The following C2orf92 variants were observed in gnomAD, a reference collection of about 807,000 sequenced individuals.
C2orf92 encodes uncharacterized protein C2orf92.
At chr2:97,687,306 G>T (rs1275050968) in intron 3 of C2orf92, among the ~76,000 whole-genome samples, 1 of 152,178 alleles carries the variant, frequency 6.6e-6, no homozygotes, top group Non-Finnish European at 1.5e-5. Flanking sequence ...GTTTAAGGCT[G>T]CAGTGAGCTA....
intron 5 of C2orf92, among the ~76,000 whole-genome samples, chr2:97,692,892 A>G (rs1037073566): frequency 6.6e-6 from 1 of 152,246 alleles, no homozygotes; most frequent in Admixed American, 6.5e-5. Context: ...TTATAGGACT[A>G]ATATGAATGA....
At chr2:97,683,654 C>T (rs568563409) in intron 3 of C2orf92, among the ~76,000 whole-genome samples, 3 of 151,670 alleles carry the variant, frequency 2.0e-5, no homozygotes, top group Non-Finnish European at 2.9e-5. Flanking sequence ...CCGTAAGATT[C>T]GTATGGAATT....
chr2:97,697,623 C>A (rs1030991491), intron 5 of C2orf92, among the ~76,000 whole-genome samples: 1 of 152,244 alleles, frequency 6.6e-6, no homozygotes, highest in African/African-American at 2.4e-5. Context: ...ACAAATTTCT[C>A]TCTTTTTTCC....
chr2:97,695,231 C>T (rs1420479838), intron 5 of C2orf92, among the ~76,000 whole-genome samples: 1 of 152,180 alleles, frequency 6.6e-6, no homozygotes, highest in African/African-American at 2.4e-5. Context: ...AAATAATTTC[C>T]AAATCCAATG....
At chr2:97,685,783 G>A (rs952653806) in intron 3 of C2orf92, among the ~76,000 whole-genome samples, 3 of 151,728 alleles carry the variant, frequency 2.0e-5, no homozygotes, top group East Asian at 2.0e-4. Flanking sequence ...GGCTGGTCAC[G>A]AACTCCTGAC....
In C2orf92 at chr2:97,674,560, A is replaced by G. The variant is rs1437249858; in HGVS notation, c.148+3A>G. On this transcript the variant is annotated splice_donor_region_variant and intron_variant, in intron 2 of 7. Coordinates refer to ENST00000627399, the MANE Select transcript of C2orf92 (RefSeq NM_001351368.2). ...TACAAAGAGAGACACACAAAAAAGC[A>G]AGTATATGTCGTTAACCTGACATGT... 2.5e-6 allele frequency: 1 copy of G among 398,534 alleles called. No homozygotes were observed. The highest frequency in any genetic ancestry group is 4.4e-6 in the Non-Finnish European group (1 of 226,068). The allele number at this position is 398,534 out of a possible 1,614,324, so 24.7% of individuals were successfully genotyped here. A position where few individuals can be genotyped will look rare whatever the true frequency, so the allele number is the denominator to read the frequency against.
chr2:97,688,681 C>T (rs1221019647), intron 3 of C2orf92, among the ~76,000 whole-genome samples: 1 of 152,038 alleles, frequency 6.6e-6, no homozygotes, highest in Non-Finnish European at 1.5e-5. Context: ...GTGTTTACTG[C>T]CCAGGATGTC....
At chr2:97,678,744 C>T (rs1573207612) in intron 3 of C2orf92, among the ~76,000 whole-genome samples, 1 of 149,040 alleles carries the variant, frequency 6.7e-6, no homozygotes, top group Non-Finnish European at 1.5e-5. Context: ...CTGACGTGGG[C>T]AGATCACTTG....
At chr2:97,688,255 A>G (rs986124050) in intron 3 of C2orf92, among the ~76,000 whole-genome samples, 4 of 151,800 alleles carry the variant, frequency 2.6e-5, no homozygotes, top group Admixed American at 6.6e-5. Context: ...CTCCTGTTAC[A>G]TCAAGCGAGT....
intron 5 of C2orf92, among the ~76,000 whole-genome samples, chr2:97,696,277 T>C (rs1041296311): frequency 2.0e-5 from 3 of 152,162 alleles, no homozygotes; most frequent in Non-Finnish European, 4.4e-5. Context: ...AGAAGAGGGC[T>C]GAGAAGAACT....
At chr2:97,673,399 T>C (rs1013851938) in intron 1 of C2orf92, among the ~76,000 whole-genome samples, 9 of 152,144 alleles carry the variant, frequency 5.9e-5, no homozygotes, top group Non-Finnish European at 1.0e-4. Flanking sequence ...TGCTTGTAGC[T>C]CATGAGCTAG....
chr2:97,682,460 G>C (rs780549575), intron 3 of C2orf92, among the ~76,000 whole-genome samples: 4 of 152,206 alleles, frequency 2.6e-5, no homozygotes, highest in Non-Finnish European at 5.9e-5. Context: ...CTTACTCTAA[G>C]AGGCCAGTAT....
At chr2:97,684,192 C>T (rs1160020720) in intron 3 of C2orf92, among the ~76,000 whole-genome samples, 5 of 152,064 alleles carry the variant, frequency 3.3e-5, no homozygotes, top group South Asian at 2.1e-4. Context: ...CCCGCCACCA[C>T]GCCTGGCTAA....
At chr2:97,696,263 G>C (rs1249559613) in intron 5 of C2orf92, among the ~76,000 whole-genome samples, 4 of 152,166 alleles carry the variant, frequency 2.6e-5, no homozygotes, top group Admixed American at 2.6e-4. Flanking sequence ...GGAAGAGTGA[G>C]GGAAGAAGAG....
chr2:97,699,345 C>T (rs149515812), intron 6 of C2orf92, among the ~76,000 whole-genome samples: 3 of 152,242 alleles, frequency 2.0e-5, no homozygotes, highest in African/African-American at 7.2e-5. Flanking sequence ...CCTGTAATCC[C>T]AGCACTTTAG....
chr2:97,685,265 CTTTCT>C (rs920123501), intron 3 of C2orf92, among the ~76,000 whole-genome samples: 2 of 145,074 alleles, frequency 1.4e-5, no homozygotes, highest in African/African-American at 5.2e-5. Context: ...TTCTTTCTTT[CTTTCT>C]TTTTTTTTTT....
chr2:97,673,539 G>A (rs751224332), intron 1 of C2orf92, among the ~76,000 whole-genome samples: 1 of 152,168 alleles, frequency 6.6e-6, no homozygotes, highest in African/African-American at 2.4e-5. Flanking sequence ...GTGAACAGGA[G>A]TGACCTTGGG....
At chr2:97,665,727 CTCTCTCTCTCTA>C (rs1246143873), upstream of C2orf92, 84 of 33,630 alleles carry the variant, frequency 2.5e-3, no homozygotes, top group Middle Eastern at 0.016. Flanking sequence ...CTCTCTCTCT[CTCTCTCTCTCTA>C]TATATATATA....
intron 3 of C2orf92, among the ~76,000 whole-genome samples, chr2:97,684,538 G>A (rs948070225): frequency 6.6e-5 from 10 of 152,130 alleles, no homozygotes; most frequent in Admixed American, 2.6e-4. Context: ...GTAAACATAG[G>A]TGAAAATCTT....
Sources: gnomAD v4.1 joint callset for allele counts (sites outside exome capture counted in the v4.1 genomes callset) on GRCh38, gnomAD v4.1.1 for gene constraint, MANE v1.5 for transcripts, NCBI Gene and HGNC (gene_info 2026-07-23, HGNC 2026-07-21) for gene names.